The following BRCA1 variants were observed in gnomAD, a reference collection of about 807,000 sequenced individuals.
BRCA1 encodes the protein breast cancer type 1 susceptibility protein.
Under a neutral mutation model 173.7 loss-of-function variants are expected in BRCA1, and 140 were observed. The observed-to-expected ratio is 0.81, with a 90% CI of 0.70 to 0.93. The LOEUF (loss-of-function observed/expected upper bound fraction) is 0.93, where lower values mean the gene tolerates loss of function less well. BRCA1 is among the 40% of genes least tolerant of loss of function. The pLI is 0.00. For synonymous variants in BRCA1, 662 were observed against 756.0 expected, an observed-to-expected ratio of 0.88 and a Z score of 2.04; for missense variants, 1,983 against 2,172.5, an observed-to-expected ratio of 0.91 and a Z score of 1.73.
chr17:43,108,925 G>A (rs183364842), intron 3 of BRCA1, among the ~76,000 whole-genome samples: 34 of 152,062 alleles, frequency 2.2e-4, no homozygotes, highest in Non-Finnish European at 1.0e-4. Context: ...CCCGGGAGGC[G>A]GAGGTTGCAG....
At chr17:43,134,108 C>T (rs2055995382) in intron 1 of BRCA1, among the ~76,000 whole-genome samples, 1 of 152,234 alleles carries the variant, frequency 6.6e-6, no homozygotes, top group Admixed American at 6.5e-5. Flanking sequence ...CTCAAGTTCT[C>T]CTCTCTGGTC....
intron 1 of BRCA1, chr17:43,145,290 G>A: frequency 1.6e-6 from 1 of 629,012 alleles, no homozygotes; most frequent in East Asian, 3.5e-5. Context: ...AGTGGTCCCT[G>A]TCTCCCTTCT....
Position 43,094,498 on chromosome 17 carries a change from C to G in BRCA1, c.1033G>C (p.Asp345His), listed in dbSNP as rs80356961. 1 of 1,613,996 alleles carries G rather than the reference C, an allele frequency of 6.2e-7. No individual in the cohort carries two copies. The highest frequency in any genetic ancestry group is 1.3e-5 in the African/African-American group (1 of 75,068). Reference protein sequence around the residue: ...STEKKVDLNADPLCERKEWNK... With the variant: ...STEKKVDLNAHPLCERKEWNK... ...CATTCTTTTCTCTCACACAGGGGATCAGCATTCAGATCTACCTTTTTTTCT... is the reference window on the plus strand; with the variant it reads ...CATTCTTTTCTCTCACACAGGGGATGAGCATTCAGATCTACCTTTTTTTCT... The change falls in exon 10 of 23, where the codon GAT becomes CAT. Residue 345 changes from aspartate to histidine, a missense_variant. By Grantham distance (81) the Asp-to-His change is moderately conservative (BLOSUM62 -1). Coordinates refer to ENST00000357654, the MANE Select transcript of BRCA1 (RefSeq NM_007294.4).
At chr17:43,098,503 C>A (rs1045877149) in intron 7 of BRCA1, among the ~76,000 whole-genome samples, 1 of 151,184 alleles carries the variant, frequency 6.6e-6, no homozygotes, top group Admixed American at 6.6e-5. Context: ...GGATTACAAG[C>A]ATGTGCTACC....
At chr17:43,079,620 G>A (rs1329533886) in intron 12 of BRCA1, 11 of 834,218 alleles carry the variant, frequency 1.3e-5, no homozygotes, top group Non-Finnish European at 2.3e-5. Flanking sequence ...TTCCTGAAAC[G>A]CGTGAAGGAA....
chr17:43,123,064 G>A (rs1371363744), intron 2 of BRCA1, among the ~76,000 whole-genome samples: 1 of 148,174 alleles, frequency 6.7e-6, no homozygotes. Flanking sequence ...CTCAAAAAAA[G>A]AAAAAAAAAT....
At chr17:43,157,101 T>G (rs2056201981) in intron 1 of BRCA1, among the ~76,000 whole-genome samples, 1 of 152,178 alleles carries the variant, frequency 6.6e-6, no homozygotes. Context: ...AGCAAATTCT[T>G]CTGAAAGTCA....
rs1328101257 is a variant in BRCA1 at position 43,049,714 on chromosome 17, C to G, written c.5333-520G>C. ...TTAGAGACTCAGCAGGGAAAGGCTA[C>G]ATGCTGAGCTGGAATCCATATACTC... On this transcript the variant is annotated intron_variant, in intron 20 of 22. Coordinates refer to ENST00000357654, the MANE Select transcript of BRCA1 (RefSeq NM_007294.4). Among the ~76,000 whole-genome samples the G allele has an allele frequency of 6.6e-6, 1 of 152,160 alleles. No homozygotes were observed. The highest frequency in any genetic ancestry group is 1.5e-5 in the Non-Finnish European group (1 of 68,032).
At chr17:43,142,976 GTGTGTA>G (rs1567830714) in intron 1 of BRCA1, among the ~76,000 whole-genome samples, 14 of 129,390 alleles carry the variant, frequency 1.1e-4, no homozygotes, top group East Asian at 4.7e-4. Flanking sequence ...GTATATATAT[GTGTGTA>G]TATATATATG....
chr17:43,061,669 G>A (rs549174508), intron 18 of BRCA1, among the ~76,000 whole-genome samples: 5 of 150,676 alleles, frequency 3.3e-5, no homozygotes, highest in East Asian at 2.0e-4. Context: ...TGCAACCTCC[G>A]CCTCCCGGGT....
chr17:43,076,593 C>T lies in BRCA1; in HGVS notation c.4379G>A (p.Ser1460Asn), dbSNP rs397509167. ...SEKAVLTSQK[S>N]SEYPISQNPE... ...ATTCTGGCTTATAGGGTATTCACTA[C>T]TTTTCTGTGAAGTTAATACTGCTTT... is the stretch of plus-strand genomic sequence containing the variant. Residue 1460 changes from serine (S) to asparagine (N), a missense_variant, in exon 13 of 23, where the codon AGT (serine) becomes AAT (asparagine). Coordinates refer to ENST00000357654, the MANE Select transcript of BRCA1 (RefSeq NM_007294.4). 1 of 1,613,598 alleles carries T rather than the reference C, an allele frequency of 6.2e-7. No homozygotes were observed.
chr17:43,058,371 T>TA (rs869107602), intron 18 of BRCA1, among the ~76,000 whole-genome samples: 17 of 150,336 alleles, frequency 1.1e-4, no homozygotes, highest in East Asian at 3.9e-4. Context: ...GAGACTCTGC[T>TA]AAAAAAAAAC....
chr17:43,138,742 G>C (rs2056049246), intron 1 of BRCA1: 1 of 779,202 alleles, frequency 1.3e-6, no homozygotes, highest in Non-Finnish European at 2.4e-6. Flanking sequence ...AATTTGGAAT[G>C]TGGAAAGGAG....
At chr17:43,100,708 C>T (rs1197218542) in intron 6 of BRCA1, among the ~76,000 whole-genome samples, 4 of 32,988 alleles carry the variant, frequency 1.2e-4, no homozygotes, top group Non-Finnish European at 4.1e-4. Flanking sequence ...TATATGTAAT[C>T]CCAGCACTTT....
intron 3 of BRCA1, among the ~76,000 whole-genome samples, chr17:43,108,572 G>T (rs2054892479): frequency 6.6e-6 from 1 of 151,038 alleles, no homozygotes; most frequent in African/African-American, 2.4e-5. Context: ...AGGCGTGGTG[G>T]GCACACGCCT....
chr17:43,111,100 CAAA>C (rs368128956), intron 3 of BRCA1, among the ~76,000 whole-genome samples: 6 of 114,022 alleles, frequency 5.3e-5, no homozygotes, highest in Non-Finnish European at 7.3e-5. Context: ...GACTCCATCT[CAAA>C]AAAAAAAAAA....
chr17:43,111,631 C>T (rs2055039779), intron 3 of BRCA1, among the ~76,000 whole-genome samples: 2 of 151,922 alleles, frequency 1.3e-5, no homozygotes, highest in Non-Finnish European at 2.9e-5. Flanking sequence ...ACCATCCTGG[C>T]TAACACGGTG....
Position 43,063,931 on chromosome 17 carries a change from G to T in BRCA1, c.5095C>A (p.Arg1699=), listed in dbSNP as rs55770810. ...MKTDAEFVCE[R]TLKYFLGIAG... ...ATTCCTAGAAAATATTTCAGTGTCCGTTCACACACAAACTCAGCATCTGCA... is the reference window on the plus strand; with the variant it reads ...ATTCCTAGAAAATATTTCAGTGTCCTTTCACACACAAACTCAGCATCTGCA... Residue 1699 remains arginine (R), a synonymous_variant, in exon 17 of 23, where the codon CGG becomes AGG. Transcript: ENST00000357654. 10 of 1,613,828 alleles carry T rather than the reference G, an allele frequency of 6.2e-6. No individual in the cohort carries two copies. In the African/African-American group the frequency reaches 1.3e-4, roughly 22 times the overall value.
rs1273550871 is a variant in BRCA1, at chr17:43,044,308, T to C, written c.*1370A>G. ...AGTCATTCATGGTGGAAGTGTTTGCTACCAAGTTTATTTGCAGTGTTAACA... is the reference window on the plus strand; with the variant it reads ...AGTCATTCATGGTGGAAGTGTTTGCCACCAAGTTTATTTGCAGTGTTAACA... On this transcript the variant is annotated 3_prime_UTR_variant, in exon 23 of 23. Transcript: ENST00000357654. 1 of 475,834 alleles carries C rather than the reference T, an allele frequency of 2.1e-6. No individual in the cohort carries two copies. Among genetic ancestry groups the C allele is most frequent in the Non-Finnish European group, 4.2e-6 (1 of 240,146 alleles). 29.5% of individuals were successfully genotyped at this position (475,834 alleles called of 1,614,324 possible). A position where few individuals can be genotyped will look rare whatever the true frequency, so the allele number is the denominator to read the frequency against.
Sources: gnomAD v4.1 joint callset for allele counts (sites outside exome capture counted in the v4.1 genomes callset) on GRCh38, gnomAD v4.1.1 for gene constraint, MANE v1.5 for transcripts, NCBI Gene and HGNC (gene_info 2026-07-23, HGNC 2026-07-21) for gene names.